SPAG16: variants seen among roughly 807,000 people sequenced by gnomAD.
SPAG16 encodes sperm-associated antigen 16 protein.
SPAG16 carries 86 observed loss-of-function variants against 80.4 expected under a neutral mutation model. That is an observed-to-expected ratio of 1.07 (90% confidence interval 0.90 to 1.28). The LOEUF is 1.28. Ranked by LOEUF, SPAG16 falls within the 50% of genes most tolerant of loss-of-function variation. The pLI is 0.00. For synonymous variants in SPAG16, 294 were observed against 265.9 expected, an observed-to-expected ratio of 1.11 and a Z score of -1.03; for missense variants, 870 against 765.3, an observed-to-expected ratio of 1.14 and a Z score of -1.61.
At chr2:213,589,852 G>A (rs2060620107) in intron 10 of SPAG16, among the ~76,000 whole-genome samples, 1 of 151,372 alleles carries the variant, frequency 6.6e-6, no homozygotes, top group Non-Finnish European at 1.5e-5. Flanking sequence ...TACTTGGGTG[G>A]CAGAGGTTTC....
intron 10 of SPAG16, among the ~76,000 whole-genome samples, chr2:213,663,868 G>A (rs79637084): frequency 1.3e-5 from 2 of 151,986 alleles, no homozygotes; most frequent in African/African-American, 2.4e-5. Flanking sequence ...GGGAAAAAGT[G>A]GGAAATTAAA....
intron 12 of SPAG16, among the ~76,000 whole-genome samples, chr2:213,970,687 A>G (rs995450665): frequency 2.6e-5 from 4 of 152,238 alleles, no homozygotes; most frequent in African/African-American, 9.6e-5. Flanking sequence ...AGATGAAAGT[A>G]CATCCTGGCC....
chr2:214,320,483 A>G (rs1172582484), intron 15 of SPAG16, among the ~76,000 whole-genome samples: 1 of 152,156 alleles, frequency 6.6e-6, no homozygotes, highest in Non-Finnish European at 1.5e-5. Context: ...GTATTAGTCC[A>G]TTTTCATACT....
At chr2:214,210,384 G>A (rs2058260034) in intron 15 of SPAG16, among the ~76,000 whole-genome samples, 1 of 151,910 alleles carries the variant, frequency 6.6e-6, no homozygotes, top group Non-Finnish European at 1.5e-5. Flanking sequence ...AAAAATAAAA[G>A]GTATGTCATG....
At chr2:213,416,695 A>T (rs2069276466) in intron 9 of SPAG16, among the ~76,000 whole-genome samples, 2 of 152,202 alleles carry the variant, frequency 1.3e-5, no homozygotes, top group African/African-American at 2.4e-5. Flanking sequence ...TGGGGGCTAA[A>T]GAGGAGCGTT....
intron 10 of SPAG16, among the ~76,000 whole-genome samples, chr2:213,806,964 T>A (rs2071806035): frequency 6.6e-6 from 1 of 152,204 alleles, no homozygotes; most frequent in African/African-American, 2.4e-5. Context: ...ATACATTAGC[T>A]GTTTTCCATA....
intron 12 of SPAG16, among the ~76,000 whole-genome samples, chr2:213,994,776 A>G (rs563177123): frequency 6.6e-5 from 10 of 152,272 alleles, no homozygotes; most frequent in African/African-American, 2.2e-4. Context: ...AAATGTATCA[A>G]TGGAGCAAAA....
intron 11 of SPAG16, among the ~76,000 whole-genome samples, chr2:213,925,445 G>C (rs2078426839): frequency 6.6e-6 from 1 of 151,030 alleles, no homozygotes; most frequent in Admixed American, 6.6e-5. Context: ...TCTGCCTCCT[G>C]GGTTCAGGCA....
intron 11 of SPAG16, among the ~76,000 whole-genome samples, chr2:213,867,415 GT>G (rs2075734723): frequency 6.6e-6 from 1 of 152,202 alleles, no homozygotes; most frequent in Admixed American, 6.5e-5. Flanking sequence ...GGTCATACGA[GT>G]GGCTCGTTTT....
chr2:213,778,505 C>T (rs1024782421), intron 10 of SPAG16, among the ~76,000 whole-genome samples: 3 of 151,988 alleles, frequency 2.0e-5, no homozygotes, highest in African/African-American at 7.2e-5. Flanking sequence ...AACCCTAGTG[C>T]TTTCATCTCT....
At chr2:213,714,382 A>T (rs1014050072) in intron 10 of SPAG16, among the ~76,000 whole-genome samples, 1 of 152,200 alleles carries the variant, frequency 6.6e-6, no homozygotes, top group African/African-American at 2.4e-5. Flanking sequence ...CAGTCAAGAA[A>T]GAACTTAGGT....
rs540313110 is a variant in SPAG16 at position 213,658,994 on chromosome 2, C to A, written c.1070+168904C>A. The stretch of plus-strand genomic sequence containing the variant: ...GAGGTTGCAGTGAGCTGAGGTTGTG[C>A]CACAGCACTCAAGCCTGGCAACAGA... On this transcript the variant is annotated intron_variant, in intron 10 of 15. Transcript: ENST00000331683. 8.5e-5 allele frequency among the ~76,000 whole-genome samples: 13 copies of A among 152,216 alleles called. No individual in the cohort carries two copies. In the East Asian group the frequency reaches 2.5e-3, roughly 29 times the overall value.
intron 15 of SPAG16, 57 bp from the exon 16 acceptor site, chr2:214,410,083 A>G: frequency 2.5e-6 from 4 of 1,587,678 alleles, no homozygotes; most frequent in East Asian, 4.5e-5. Flanking sequence ...TAAACTGTGA[A>G]CACTTGAAAT....
At chr2:213,296,537 A>C (rs577195774) in intron 2 of SPAG16, among the ~76,000 whole-genome samples, 1 of 152,254 alleles carries the variant, frequency 6.6e-6, no homozygotes, top group African/African-American at 2.4e-5. Context: ...TCCTATCTCA[A>C]AGCTTTCCTT....
chr2:214,376,495 G>A (rs931019520), intron 15 of SPAG16, among the ~76,000 whole-genome samples: 1 of 151,872 alleles, frequency 6.6e-6, no homozygotes, highest in African/African-American at 2.4e-5. Flanking sequence ...CCAAACCTAT[G>A]GCAATCTAAA....
chr2:213,932,968 A>ACACACACG (rs1301381481), intron 12 of SPAG16, among the ~76,000 whole-genome samples: 1 of 151,500 alleles, frequency 6.6e-6, no homozygotes, highest in Non-Finnish European at 1.5e-5. Flanking sequence ...ACACACACAC[A>ACACACACG]CACACACACA....
rs542387211 is a variant in SPAG16 at position 213,708,302 on chromosome 2, C to T, written c.1071-154183C>T. ...CATGCCACCTAAAATAACCAGATCA[C>T]TATTGACAATAAAATATCCTATACT... On this transcript the variant is annotated intron_variant, in intron 10 of 15. Transcript: ENST00000331683. 1.4e-4 allele frequency among the ~76,000 whole-genome samples: 21 copies of T among 152,308 alleles called. 1 individual carries two copies. The South Asian group carries it at 3.5e-3, about 26-fold the overall frequency.
chr2:213,478,470 G>A (rs983110980), intron 9 of SPAG16, among the ~76,000 whole-genome samples: 3 of 152,090 alleles, frequency 2.0e-5, no homozygotes, highest in Non-Finnish European at 4.4e-5. Context: ...TACTATTTTT[G>A]TACTAATAGA....
At chr2:213,665,578 G>C (rs777556701) in intron 10 of SPAG16, among the ~76,000 whole-genome samples, 2 of 152,104 alleles carry the variant, frequency 1.3e-5, no homozygotes, top group Non-Finnish European at 2.9e-5. Context: ...TCTATAAAGT[G>C]AAGGAATACT....
Sources: gnomAD v4.1 joint callset for allele counts (sites outside exome capture counted in the v4.1 genomes callset) on GRCh38, gnomAD v4.1.1 for gene constraint, MANE v1.5 for transcripts, NCBI Gene and HGNC (gene_info 2026-07-23, HGNC 2026-07-21) for gene names.